The following CEP164 variants were observed in gnomAD, a reference collection of about 807,000 sequenced individuals.
CEP164 encodes centrosomal protein 164.
CEP164 carries 162 observed loss-of-function variants against 182.7 expected under a neutral mutation model. The observed-to-expected ratio is 0.89, with a 90% CI of 0.78 to 1.01. The LOEUF is 1.01. Among genes scored for constraint, CEP164 ranks in the 50% least tolerant of loss-of-function variants. The probability of loss-of-function intolerance (pLI) is 0.00; values close to 1 mark genes in which losing one functional copy is unlikely to be tolerated. For synonymous variants in CEP164, 661 were observed against 690.0 expected (o/e 0.96, Z 0.66); for missense variants, 1,735 against 1,790.4 (o/e 0.97, Z 0.56).
Position 117,395,587 on chromosome 11 carries a change from A to G in CEP164, c.2954A>G (p.Lys985Arg). ...ATHQQLEEAQ[K>R]EHTHLLQSNQ... The stretch of plus-strand genomic sequence containing the variant: ...CATCAGCAGCTGGAGGAGGCACAGA[A>G]GGAGCACACCCACCTGTTGCAGTCA... Residue 985 changes from lysine to arginine, a missense_variant, in exon 24 of 33, where the codon AAG becomes AGG. Coordinates refer to ENST00000278935, the MANE Select transcript of CEP164 (RefSeq NM_014956.5). 1 of 1,613,692 alleles carries G rather than the reference A, an allele frequency of 6.2e-7. No individual in the cohort carries two copies. The highest frequency in any genetic ancestry group is 8.5e-7 in the Non-Finnish European group (1 of 1,179,820).
At position 117,378,741 on chromosome 11, in the gene CEP164, C is replaced by A. The variant is rs545328734; in HGVS notation, c.1318-1873C>A. Reference sequence around the variant, plus strand: ...GGACCCTCTCTATCAAGAGGACCGTCCATCTGGGTATTTCCCCGAGGATCC... The same window carrying A: ...GGACCCTCTCTATCAAGAGGACCGTACATCTGGGTATTTCCCCGAGGATCC... On this transcript the variant is annotated intron_variant, in intron 11 of 32. Transcript: ENST00000278935. Among the ~76,000 whole-genome samples, 9 of 152,334 alleles carry A rather than the reference C, an allele frequency of 5.9e-5. No individual in the cohort carries two copies. In the East Asian group the frequency reaches 1.7e-3, roughly 29 times the overall value.
intron 2 of CEP164, among the ~76,000 whole-genome samples, chr11:117,337,510 T>TAAAAAAAAAAAAAAAAAA (rs55864956): frequency 7.8e-6 from 1 of 128,882 alleles, no homozygotes; most frequent in African/African-American, 2.9e-5. Flanking sequence ...ACCATCTCTG[T>TAAAAAAAAAAAAAAAAAA]AAAAAAAAAA....
intron 5 of CEP164, 62 bp from the exon 6 acceptor site, chr11:117,361,773 C>T (rs2041005774): frequency 3.2e-6 from 5 of 1,563,018 alleles, no homozygotes; most frequent in Non-Finnish European, 4.4e-6. Flanking sequence ...TTATATCTGT[C>T]TCCGACACTC....
At chr11:117,336,307 A>G (rs867037959) in intron 2 of CEP164, 6 of 1,517,208 alleles carry the variant, frequency 4.0e-6, no homozygotes, top group Middle Eastern at 4.7e-4. Flanking sequence ...TTTATTCTGC[A>G]TCTTCTTGTC....
At chr11:117,404,038 A>G (rs1467950083) in intron 27 of CEP164, among the ~76,000 whole-genome samples, 1 of 151,942 alleles carries the variant, frequency 6.6e-6, no homozygotes, top group Admixed American at 6.6e-5. Context: ...TGGTTATTCT[A>G]GTTAGCAATT....
rs1375006883 is a variant in CEP164 at position 117,412,864 on chromosome 11, G to T, written c.*696G>T. On this transcript the variant is annotated 3_prime_UTR_variant, in exon 33 of 33. Coordinates refer to ENST00000278935, the MANE Select transcript of CEP164 (RefSeq NM_014956.5). ...CAGAACACCCCTCCTGCTCCCTGGGGCTCCTCAGGGAGCCATTTCAGCTGG... is the reference window on the plus strand; with the variant it reads ...CAGAACACCCCTCCTGCTCCCTGGGTCTCCTCAGGGAGCCATTTCAGCTGG... 6.6e-6 allele frequency: 1 copy of T among 152,394 alleles called. No individual in the cohort carries two copies. Among genetic ancestry groups the T allele is most frequent in the East Asian group, 1.9e-4 (1 of 5,180 alleles). 9.4% of individuals were successfully genotyped at this position (152,394 alleles called of 1,614,324 possible).
chr11:117,328,785 G>T (rs530181581), intron 1 of CEP164, among the ~76,000 whole-genome samples: 2 of 152,302 alleles, frequency 1.3e-5, no homozygotes, highest in South Asian at 4.1e-4. Context: ...TGTCGGACAT[G>T]CCCTGTCTTC....
At position 117,412,340 on chromosome 11, in the gene CEP164, CTATA is replaced by C. The variant is rs1299102566; in HGVS notation, c.*175_*178del. 3 of 569,328 alleles carry C rather than the reference CTATA, an allele frequency of 5.3e-6. No homozygotes were observed. The highest frequency in any genetic ancestry group is 3.0e-5 in the East Asian group (1 of 33,620). 35.3% of individuals were successfully genotyped at this position (569,328 alleles called of 1,614,324 possible). A position where few individuals can be genotyped will look rare whatever the true frequency, so the allele number is the denominator to read the frequency against. On this transcript the variant is annotated 3_prime_UTR_variant, in exon 33 of 33. Transcript: ENST00000278935. ...AACAGTAAAGCCACACATTCTGTGA[CTATA>C]TAACCTATCTCAGGCTAAAATGTGT...
chr11:117,393,402 A>G (rs1216111077), intron 20 of CEP164, among the ~76,000 whole-genome samples: 1 of 152,218 alleles, frequency 6.6e-6, no homozygotes, highest in Admixed American at 6.5e-5. Flanking sequence ...TTTATCAGGC[A>G]GGCTGTACTT....
Position 117,411,509 on chromosome 11 carries a change from G to C in CEP164, c.4164-286G>C. On this transcript the variant is annotated intron_variant, in intron 31 of 32. Coordinates refer to ENST00000278935, the MANE Select transcript of CEP164 (RefSeq NM_014956.5). The surrounding 1 kb of genome is among the most constrained non-coding windows in gnomAD (Gnocchi z 4.4). ...GGCCAAGGATTGAGTTGACAGAGGGGAGCGCTTTGCTGATGAGATTGGCGG... is the reference window on the plus strand; with the variant it reads ...GGCCAAGGATTGAGTTGACAGAGGGCAGCGCTTTGCTGATGAGATTGGCGG... The C allele has an allele frequency of 2.6e-6, 1 of 382,494 alleles. No individual in the cohort carries two copies. Among genetic ancestry groups the C allele is most frequent in the African/African-American group, 2.0e-5 (1 of 48,838 alleles). The allele number at this position is 382,494 out of a possible 1,614,324, so 23.7% of individuals were successfully genotyped here. A position where few individuals can be genotyped will look rare whatever the true frequency, so the allele number is the denominator to read the frequency against.
intron 5 of CEP164, among the ~76,000 whole-genome samples, chr11:117,360,651 A>C (rs1235487696): frequency 6.6e-6 from 1 of 151,548 alleles, no homozygotes; most frequent in Admixed American, 6.6e-5. Context: ...GGGATTACAG[A>C]TGTGAGCCAC....
At chr11:117,330,390 C>T (rs1354158091) in intron 1 of CEP164, among the ~76,000 whole-genome samples, 4 of 152,150 alleles carry the variant, frequency 2.6e-5, no homozygotes, top group Non-Finnish European at 4.4e-5. Flanking sequence ...CGGTGACTCA[C>T]GCCTGTAATC....
rs1459146693 is a variant in CEP164 at position 117,411,061 on chromosome 11, C to T, written c.4163+167C>T. 11 of 619,758 alleles carry T rather than the reference C, an allele frequency of 1.8e-5. No homozygotes were observed. Among genetic ancestry groups the T allele is most frequent in the Admixed American group, 7.5e-5 (3 of 40,076 alleles). 38.4% of individuals were successfully genotyped at this position (619,758 alleles called of 1,614,324 possible). On this transcript the variant is annotated intron_variant, in intron 31 of 32. Coordinates refer to ENST00000278935, the MANE Select transcript of CEP164 (RefSeq NM_014956.5). This position sits in a 1 kb window ranked among gnomAD's most constrained non-coding sequence, Gnocchi z 4.4. ...TGTCCCCGCTTGCCTGGGTCTGAGG[C>T]GCCCCTCCATGACCAGGGGAAAGTC... is the stretch of plus-strand genomic sequence containing the variant.
At chr11:117,397,015 C>A in intron 26 of CEP164, 76 bp from the exon 27 acceptor site, 4 of 1,357,976 alleles carry the variant, frequency 2.9e-6, no homozygotes, top group Non-Finnish European at 4.0e-6. Context: ...TTGGCATCTG[C>A]TGGGGAAGGG....
Position 117,373,738 on chromosome 11 carries a change from T to C in CEP164, c.1153-13T>C. ...CTGCTCTGAGGGATTTCTCTGTGGG[T>C]CTGTCTCTCCAGGAACTGGAAATTA... On this transcript the variant is annotated splice_polypyrimidine_tract_variant and intron_variant, in intron 9 of 32. Transcript: ENST00000278935. 6.2e-7 allele frequency: 1 copy of C among 1,612,480 alleles called. No homozygotes were observed. Among genetic ancestry groups the C allele is most frequent in the African/African-American group, 1.3e-5 (1 of 75,016 alleles).
At chr11:117,401,523 A>G (rs902922579) in intron 27 of CEP164, among the ~76,000 whole-genome samples, 4 of 151,972 alleles carry the variant, frequency 2.6e-5, no homozygotes, top group East Asian at 1.9e-4. Flanking sequence ...TCCTTTTTCT[A>G]TTGTTTGGAG....
chr11:117,373,128 G>A (rs2042387339), intron 9 of CEP164, among the ~76,000 whole-genome samples: 1 of 152,098 alleles, frequency 6.6e-6, no homozygotes, highest in Admixed American at 6.5e-5. Context: ...CAGCACTTTG[G>A]GAGGCCAAGG....
rs774452782 is a variant in CEP164 at position 117,411,915 on chromosome 11, G to C, written c.4284G>C (p.Arg1428Ser). Reference protein sequence around the residue: ...RWLERVKNDPRLPLFSSTPKP... With the variant: ...RWLERVKNDPSLPLFSSTPKP... ...TGGAACGTGTCAAGAATGACCCCAG[G>C]TTGTATCCTTTTACCTGGTTCCCAA... The change falls in exon 32 of 33, where the codon AGG becomes AGC. Residue 1428 changes from arginine (R) to serine (S), a missense_variant and splice_region_variant. By Grantham distance (110) the Arg-to-Ser change is moderately radical. Coordinates refer to ENST00000278935, the MANE Select transcript of CEP164 (RefSeq NM_014956.5). The surrounding 1 kb of genome is among the most constrained non-coding windows in gnomAD (Gnocchi z 4.4). 1.9e-5 allele frequency: 30 copies of C among 1,614,002 alleles called. No individual in the cohort carries two copies. Among genetic ancestry groups the C allele is most frequent in the Non-Finnish European group, 2.5e-5 (30 of 1,180,026 alleles).
chr11:117,394,622 C>A lies in CEP164; in HGVS notation c.2760+129C>A. On this transcript the variant is annotated intron_variant, in intron 21 of 32. Transcript: ENST00000278935. This position sits in a 1 kb window ranked among gnomAD's most constrained non-coding sequence, Gnocchi z 4.0. ...TCTGGAGTGAGAGTCTCTCACTGGCCATCTCCAAGCTGGGGCATCCTTGTT... is the reference window on the plus strand; with the variant it reads ...TCTGGAGTGAGAGTCTCTCACTGGCAATCTCCAAGCTGGGGCATCCTTGTT... The A allele has an allele frequency of 8.0e-7, 1 of 1,247,950 alleles. No homozygotes were observed. Among genetic ancestry groups the A allele is most frequent in the Non-Finnish European group, 1.1e-6 (1 of 907,936 alleles). 77.3% of individuals were successfully genotyped at this position (1,247,950 alleles called of 1,614,324 possible). A position where few individuals can be genotyped will look rare whatever the true frequency, so the allele number is the denominator to read the frequency against.
Sources: allele counts gnomAD v4.1 joint callset (sites outside exome capture counted in the v4.1 genomes callset), GRCh38; gene constraint gnomAD v4.1.1; non-coding constraint Gnocchi (gnomAD v3.1); transcripts MANE v1.5; gene names NCBI Gene and HGNC (gene_info 2026-07-23, HGNC 2026-07-21).